ATCAY: variants seen among roughly 807,000 people sequenced by gnomAD.
ATCAY encodes caytaxin.
In ATCAY, 22 loss-of-function variants were observed where a neutral mutation model predicts 47.7. The observed-to-expected ratio is 0.46, with a 90% CI of 0.33 to 0.66. The LOEUF (loss-of-function observed/expected upper bound fraction) is 0.66. Ranked by LOEUF, ATCAY falls within the 30% of genes least tolerant of loss-of-function variation. ATCAY has a pLI of 0.02. For synonymous variants in ATCAY, 216 were observed against 207.6 expected, an observed-to-expected ratio of 1.04 and a Z score of -0.35; for missense variants, 452 against 515.0, an observed-to-expected ratio of 0.88 and a Z score of 1.18.
Position 3,918,885 on chromosome 19 carries a change from T to A in ATCAY, c.1073+8T>A. On this transcript the variant is annotated splice_region_variant and intron_variant, in intron 11 of 12. Coordinates refer to ENST00000450849, the MANE Select transcript of ATCAY (RefSeq NM_033064.5). ...GGCACCAGTGGAAAACAGGTAGGTG[T>A]GCAGGGGACCATGGGCAGAGAGCTG... 1.1e-5 allele frequency: 17 copies of A among 1,613,944 alleles called. No individual in the cohort carries two copies. The highest frequency in any genetic ancestry group is 1.4e-5 in the Non-Finnish European group (17 of 1,179,846).
chr19:3,922,158 G>A (rs1431393219), intron 12 of ATCAY: 1 of 702,460 alleles, frequency 1.4e-6, no homozygotes, highest in Non-Finnish European at 2.6e-6. Flanking sequence ...GCTTTTCTTA[G>A]CCTCCAGCCC....
At chr19:3,885,648 G>C (rs2038643562) in intron 1 of ATCAY, 79 bp from the exon 2 acceptor site, 2 of 724,440 alleles carry the variant, frequency 2.8e-6, no homozygotes, top group East Asian at 2.7e-5. Flanking sequence ...GAGTGGGAGG[G>C]GGAAGAGCTG....
chr19:3,882,886 A>G (rs944447336), intron 1 of ATCAY, among the ~76,000 whole-genome samples: 5 of 152,010 alleles, frequency 3.3e-5, no homozygotes, highest in African/African-American at 1.2e-4. Flanking sequence ...TCTGGGCTCA[A>G]TCCTCCCACC....
At chr19:3,887,112 G>A (rs1380951195) in intron 2 of ATCAY, among the ~76,000 whole-genome samples, 1 of 152,102 alleles carries the variant, frequency 6.6e-6, no homozygotes, top group Non-Finnish European at 1.5e-5. Flanking sequence ...CTGGCATACA[G>A]TCGGCGCTTA....
At chr19:3,911,648 T>C (rs564295361) in intron 8 of ATCAY, among the ~76,000 whole-genome samples, 3 of 151,986 alleles carry the variant, frequency 2.0e-5, no homozygotes, top group Non-Finnish European at 2.9e-5. Flanking sequence ...ATTAAACATA[T>C]AGTAAAACAG....
chr19:3,884,074 C>CA (rs1329097519), intron 1 of ATCAY, among the ~76,000 whole-genome samples: 4 of 152,030 alleles, frequency 2.6e-5, no homozygotes, highest in Admixed American at 2.6e-4. Flanking sequence ...GAGGCTGAGG[C>CA]AAGAGGATCA....
In ATCAY at chr19:3,917,593, A is replaced by G. The variant is rs531435606; in HGVS notation, c.966-149A>G. ...GTGCAAGACTCCATCTCAAAAAAAA[A>G]AAAAAAAAAAAAAAAAAGGAAGAAG... is the stretch of plus-strand genomic sequence containing the variant. On this transcript the variant is annotated intron_variant, in intron 9 of 12. Coordinates refer to ENST00000450849, the MANE Select transcript of ATCAY (RefSeq NM_033064.5). 1.6e-4 allele frequency: 135 copies of G among 860,068 alleles called. 1 individual carries two copies. In the East Asian group the frequency reaches 3.6e-3, roughly 23 times the overall value. The allele number at this position is 860,068 out of a possible 1,614,324, so 53.3% of individuals were successfully genotyped here. A position where few individuals can be genotyped will look rare whatever the true frequency, so the allele number is the denominator to read the frequency against.
chr19:3,908,155 C>T lies in ATCAY; in HGVS notation c.545-113C>T, dbSNP rs541006302. 96 of 1,081,460 alleles carry T rather than the reference C, an allele frequency of 8.9e-5. 1 individual carries two copies. In the South Asian group the frequency reaches 1.2e-3, roughly 13 times the overall value. The allele number at this position is 1,081,460 out of a possible 1,614,324, so 67.0% of individuals were successfully genotyped here. A position where few individuals can be genotyped will look rare whatever the true frequency, so the allele number is the denominator to read the frequency against. ...TAAGGGGTCGCCGGCTGCTGTGGCTCGGAGCCATGCCCTCCCGAGCGTGTG... is the reference window on the plus strand; with the variant it reads ...TAAGGGGTCGCCGGCTGCTGTGGCTTGGAGCCATGCCCTCCCGAGCGTGTG... On this transcript the variant is annotated intron_variant, in intron 5 of 12. Coordinates refer to ENST00000450849, the MANE Select transcript of ATCAY (RefSeq NM_033064.5).
At chr19:3,904,700 T>C (rs1005178762) in intron 3 of ATCAY, among the ~76,000 whole-genome samples, 1 of 151,974 alleles carries the variant, frequency 6.6e-6, no homozygotes, top group Non-Finnish European at 1.5e-5. Context: ...CTGATTAAAA[T>C]AGGAGACTAT....
chr19:3,890,110 A>C (rs1312149951), intron 2 of ATCAY, among the ~76,000 whole-genome samples: 1 of 151,420 alleles, frequency 6.6e-6, no homozygotes, highest in Non-Finnish European at 1.5e-5. Flanking sequence ...CGCCCAGCTC[A>C]TCTTTGTATT....
intron 2 of ATCAY, chr19:3,895,300 C>T (rs1371489900): frequency 7.6e-5 from 34 of 446,610 alleles, no homozygotes; most frequent in South Asian, 4.0e-4. Context: ...CTGCAACCTC[C>T]GCTTCCTGGG....
intron 8 of ATCAY, 81 bp downstream of exon 8, chr19:3,910,970 C>A: frequency 6.8e-7 from 1 of 1,462,646 alleles, no homozygotes; most frequent in South Asian, 1.1e-5. Context: ...TTTGTGTGTG[C>A]ATGTGTGCAC....
chr19:3,901,928 G>A (rs145948452), intron 2 of ATCAY, among the ~76,000 whole-genome samples: 25 of 152,136 alleles, frequency 1.6e-4, no homozygotes, highest in East Asian at 5.8e-4. Flanking sequence ...CCCGGGAGGC[G>A]GAGGTTGCCG....
intron 9 of ATCAY, among the ~76,000 whole-genome samples, chr19:3,915,319 T>C (rs2038957463): frequency 6.9e-6 from 1 of 145,324 alleles, no homozygotes; most frequent in African/African-American, 2.5e-5. Context: ...ATTACAGGCA[T>C]GAGCCGCCAT....
intron 2 of ATCAY, among the ~76,000 whole-genome samples, chr19:3,899,540 C>G (rs370442477): frequency 6.6e-6 from 1 of 152,010 alleles, no homozygotes; most frequent in African/African-American, 2.4e-5. Context: ...GTCTTGAACT[C>G]CTGACCTCAG....
intron 2 of ATCAY, among the ~76,000 whole-genome samples, chr19:3,894,948 CAAAAA>C (rs34311804): frequency 1.3e-5 from 1 of 76,764 alleles, no homozygotes; most frequent in African/African-American, 5.2e-5. Context: ...GACCCTGTCT[CAAAAA>C]AAAAAAAAAA....
chr19:3,885,645 A>AG, intron 1 of ATCAY, 82 bp from the exon 2 acceptor site: 1 of 578,130 alleles, frequency 1.7e-6, no homozygotes, highest in East Asian at 3.1e-5. Flanking sequence ...GGGGAGTGGG[A>AG]GGGGGAAGAG....
Position 3,908,266 on chromosome 19 carries a change from A to C in ATCAY, c.545-2A>C. 1 of 1,571,788 alleles carries C rather than the reference A, an allele frequency of 6.4e-7. No individual in the cohort carries two copies. The highest frequency in any genetic ancestry group is 8.6e-7 in the Non-Finnish European group (1 of 1,158,486). On this transcript the variant is annotated splice_acceptor_variant, in intron 5 of 12. Coordinates refer to ENST00000450849, the MANE Select transcript of ATCAY (RefSeq NM_033064.5). LOFTEE classifies it high-confidence loss of function. ...CGTTGCCGATCGGCTGCCTCTCCTC[A>C]GGGTACTACGGCGAAGGCCTCAACG...
intron 2 of ATCAY, among the ~76,000 whole-genome samples, chr19:3,886,177 G>A (rs890598229): frequency 1.3e-4 from 20 of 152,168 alleles, no homozygotes; most frequent in Non-Finnish European, 1.8e-4. Context: ...GGCTGGGCGC[G>A]GCGGTTCACG....
Sources: allele counts gnomAD v4.1 joint callset (sites outside exome capture counted in the v4.1 genomes callset), GRCh38; gene constraint gnomAD v4.1.1; transcripts MANE v1.5; gene names NCBI Gene and HGNC (gene_info 2026-07-23, HGNC 2026-07-21).